RGS7: variants seen among roughly 807,000 people sequenced by gnomAD.
RGS7 encodes the protein regulator of G-protein signaling 7.
Under a neutral mutation model 81.1 loss-of-function variants are expected in RGS7, and 27 were observed. The observed-to-expected ratio is 0.33, with a 90% CI of 0.25 to 0.46. The LOEUF is 0.46. Ranked by LOEUF, RGS7 falls within the 20% of genes least tolerant of loss-of-function variation. The pLI, the probability that RGS7 is intolerant of heterozygous loss-of-function variation, is 1.00. For synonymous variants in RGS7, 208 were observed against 207.7 expected (o/e 1.00, Z -0.01); for missense variants, 396 against 607.4 (o/e 0.65, Z 3.66).
At chr1:241,327,132 AAG>A (rs1491298379) in intron 2 of RGS7, among the ~76,000 whole-genome samples, 1 of 117,648 alleles carries the variant, frequency 8.5e-6, no homozygotes, top group Non-Finnish European at 1.9e-5. Flanking sequence ...GAAAGAAAGA[AAG>A]AAAGAAAGAA....
rs370562497 is a variant in RGS7 at position 241,030,361 on chromosome 1, C to CATATATATAT, written c.176-47242_176-47233dup. 5.4e-3 allele frequency among the ~76,000 whole-genome samples: 553 copies of CATATATATAT among 102,186 alleles called. 22 individuals are homozygous for CATATATATAT. Among genetic ancestry groups the CATATATATAT allele is most frequent in the African/African-American group, 0.019 (475 of 25,230 alleles). The allele number at this position is 102,186 out of a possible 152,430, so 67.0% of individuals were successfully genotyped here. ...GCTTTGTTTTTTCCAGAACTTATAG[C>CATATATATAT]ATATATATATATACATACACACATA... On this transcript the variant is annotated intron_variant, in intron 3 of 18. Coordinates refer to ENST00000440928, the MANE Select transcript of RGS7 (RefSeq NM_001364886.1).
chr1:241,201,035 C>T (rs1436897193), intron 2 of RGS7, among the ~76,000 whole-genome samples: 1 of 152,182 alleles, frequency 6.6e-6, no homozygotes, highest in Non-Finnish European at 1.5e-5. Flanking sequence ...CTCCCCATAC[C>T]TTCTCCCTAT....
At chr1:240,798,996 T>C (rs1687549532) in intron 18 of RGS7, among the ~76,000 whole-genome samples, 1 of 152,180 alleles carries the variant, frequency 6.6e-6, no homozygotes, top group Admixed American at 6.5e-5. Context: ...ATTAAATTAT[T>C]TTATTGATCC....
intron 2 of RGS7, among the ~76,000 whole-genome samples, chr1:241,351,650 TAAAAAC>T (rs2083259578): frequency 6.6e-6 from 1 of 150,440 alleles, no homozygotes; most frequent in South Asian, 2.1e-4. Context: ...AAAGAAAAAA[TAAAAAC>T]AAACGAATGC....
intron 4 of RGS7, among the ~76,000 whole-genome samples, chr1:240,966,677 A>C (rs1446022425): frequency 1.3e-5 from 2 of 152,158 alleles, no homozygotes; most frequent in African/African-American, 4.8e-5. Flanking sequence ...GCTTTTACTT[A>C]GAGAAAAAAT....
At chr1:241,148,870 G>T (rs1408990366) in intron 2 of RGS7, among the ~76,000 whole-genome samples, 1 of 152,190 alleles carries the variant, frequency 6.6e-6, no homozygotes, top group South Asian at 2.1e-4. Context: ...AAGAAAACCA[G>T]TATCATTTAA....
At chr1:240,992,260 T>C (rs760253630) in intron 3 of RGS7, among the ~76,000 whole-genome samples, 2 of 152,116 alleles carry the variant, frequency 1.3e-5, no homozygotes, top group African/African-American at 2.4e-5. Flanking sequence ...TCCCAGCACT[T>C]TGGAAGGCTG....
chr1:240,853,660 C>T (rs978485107), intron 9 of RGS7, among the ~76,000 whole-genome samples: 1 of 151,988 alleles, frequency 6.6e-6, no homozygotes, highest in South Asian at 2.1e-4. Context: ...AACCCCAGCA[C>T]TTTGGGAGGC....
chr1:240,833,989 G>A (rs570279927), intron 9 of RGS7, among the ~76,000 whole-genome samples: 10 of 152,176 alleles, frequency 6.6e-5, no homozygotes, highest in South Asian at 6.2e-4. Context: ...GTCTTGCTCC[G>A]TTGCCCAGGC....
chr1:240,887,681 CTTGAATA>C (rs1193127483), intron 6 of RGS7, among the ~76,000 whole-genome samples: 3 of 152,086 alleles, frequency 2.0e-5, no homozygotes, highest in Non-Finnish European at 2.9e-5. Context: ...TCTGTTGCAT[CTTGAATA>C]TACTGCCAAT....
intron 2 of RGS7, among the ~76,000 whole-genome samples, chr1:241,134,296 A>G (rs1023034109): frequency 4.6e-5 from 7 of 152,210 alleles, no homozygotes; most frequent in African/African-American, 1.7e-4. Flanking sequence ...ATGGAAACCA[A>G]GAAACCAAGT....
chr1:241,265,448 G>A (rs945706975), intron 2 of RGS7, among the ~76,000 whole-genome samples: 17 of 152,032 alleles, frequency 1.1e-4, no homozygotes, highest in Non-Finnish European at 2.4e-4. Context: ...ACAGAGGAAG[G>A]TTTTTCTGTA....
intron 2 of RGS7, among the ~76,000 whole-genome samples, chr1:241,240,417 A>G (rs1247064519): frequency 1.3e-5 from 2 of 152,222 alleles, no homozygotes; most frequent in Non-Finnish European, 2.9e-5. Flanking sequence ...TGGAGCTGGA[A>G]AGTTTATCCT....
At chr1:240,905,815 G>C (rs1670726706) in intron 6 of RGS7, among the ~76,000 whole-genome samples, 1 of 152,204 alleles carries the variant, frequency 6.6e-6, no homozygotes, top group South Asian at 2.1e-4. Context: ...TTGGCTCTAA[G>C]ATGACATGCA....
At chr1:241,146,725 T>C (rs544494033) in intron 2 of RGS7, among the ~76,000 whole-genome samples, 72 of 152,322 alleles carry the variant, frequency 4.7e-4, no homozygotes, top group Non-Finnish European at 8.7e-4. Context: ...TCAGCGGCTA[T>C]AACAAAATAC....
chr1:241,173,404 G>T lies in RGS7; in HGVS notation c.79-74642C>A, dbSNP rs114622058. Among the ~76,000 whole-genome samples, 217 of 152,308 alleles carry T rather than the reference G, an allele frequency of 1.4e-3. 2 individuals are homozygous for T. Among genetic ancestry groups the T allele is most frequent in the African/African-American group, 5.0e-3 (207 of 41,568 alleles). The stretch of plus-strand genomic sequence containing the variant: ...CATGGTTTAGGAATTTAATAGTGAA[G>T]AGTTTTTATTTTAATGCATATAGAA... On this transcript the variant is annotated intron_variant, in intron 2 of 18. Coordinates refer to ENST00000440928, the MANE Select transcript of RGS7 (RefSeq NM_001364886.1).
At chr1:241,024,004 G>A (rs1203645848) in intron 3 of RGS7, among the ~76,000 whole-genome samples, 2 of 152,036 alleles carry the variant, frequency 1.3e-5, no homozygotes, top group South Asian at 2.1e-4. Context: ...TGCCTGCCTT[G>A]GCCTCCCAAA....
At chr1:241,194,155 C>T (rs2072894045) in intron 2 of RGS7, among the ~76,000 whole-genome samples, 2 of 152,130 alleles carry the variant, frequency 1.3e-5, no homozygotes, top group African/African-American at 2.4e-5. Context: ...CTTCTTCTAA[C>T]TTTATGTCCT....
At chr1:241,112,122 C>G (rs925361447) in intron 2 of RGS7, among the ~76,000 whole-genome samples, 1 of 152,054 alleles carries the variant, frequency 6.6e-6, no homozygotes, top group African/African-American at 2.4e-5. Context: ...TCTGAAGCCA[C>G]AAGAGAAAGC....
Sources: allele counts gnomAD v4.1 joint callset (sites outside exome capture counted in the v4.1 genomes callset), GRCh38; gene constraint gnomAD v4.1.1; transcripts MANE v1.5; gene names NCBI Gene and HGNC (gene_info 2026-07-23, HGNC 2026-07-21).